The following SUN3 variants were observed in gnomAD, a reference collection of about 807,000 sequenced individuals.
SUN3 encodes SUN domain-containing protein 3.
Under a neutral mutation model 48.2 loss-of-function variants are expected in SUN3, and 36 were observed. That is an observed-to-expected ratio of 0.75 (90% CI 0.57 to 0.99). The LOEUF (loss-of-function observed/expected upper bound fraction) is 0.99, where lower values mean the gene tolerates loss of function less well. SUN3 is among the 50% of genes least tolerant of loss of function. The pLI is 0.00. For synonymous variants in SUN3, 148 were observed against 147.9 expected, an observed-to-expected ratio of 1.00 and a Z score of 0.00; for missense variants, 419 against 433.1, an observed-to-expected ratio of 0.97 and a Z score of 0.29.
upstream of SUN3, among the ~76,000 whole-genome samples, chr7:48,031,832 GCA>G (rs3073706): frequency 0.1 from 14,816 of 141,966 alleles, 870 homozygotes; most frequent in African/African-American, 0.16. Flanking sequence ...TGTGATTTAT[GCA>G]CACACACACA....
chr7:48,028,399 A>G (rs1162829054), intron 1 of SUN3, among the ~76,000 whole-genome samples: 2 of 150,988 alleles, frequency 1.3e-5, no homozygotes, highest in Non-Finnish European at 1.5e-5. Context: ...AGAATGTAAT[A>G]AATGCCACTC....
At chr7:47,999,536 T>A (rs1490536650) in intron 6 of SUN3, among the ~76,000 whole-genome samples, 3 of 152,224 alleles carry the variant, frequency 2.0e-5, no homozygotes. Context: ...TTTTTATTTA[T>A]TTTTTATTTC....
At chr7:48,027,927 G>A (rs13237971) in intron 1 of SUN3, among the ~76,000 whole-genome samples, 2,788 of 152,294 alleles carry the variant, frequency 0.018, 33 homozygotes, top group Non-Finnish European at 0.029. Flanking sequence ...GCTGCATTAA[G>A]TGAAAATTAT....
At chr7:48,001,540 T>G (rs6962900) in intron 6 of SUN3, among the ~76,000 whole-genome samples, 62,972 of 138,548 alleles carry the variant, frequency 0.45, 15,957 homozygotes, top group Non-Finnish European at 0.53. Context: ...TGTTTTTTTT[T>G]TTTTTTTTTT....
intron 3 of SUN3, among the ~76,000 whole-genome samples, chr7:48,011,708 A>T (rs1399182471): frequency 6.6e-6 from 1 of 152,236 alleles, no homozygotes; most frequent in African/African-American, 2.4e-5. Context: ...TTTTAAAAAC[A>T]TTTTTATTTT....
intron 7 of SUN3, among the ~76,000 whole-genome samples, chr7:47,994,939 G>A (rs997783528): frequency 6.6e-6 from 1 of 152,122 alleles, no homozygotes; most frequent in African/African-American, 2.4e-5. Flanking sequence ...TAATGGTGAT[G>A]GTAGTAATGG....
At chr7:48,033,853 A>T (rs1455934371), upstream of SUN3, among the ~76,000 whole-genome samples, 1 of 152,244 alleles carries the variant, frequency 6.6e-6, no homozygotes, top group East Asian at 1.9e-4. Flanking sequence ...CAGGAGTATG[A>T]GACCAGCCTG....
intron 2 of SUN3, among the ~76,000 whole-genome samples, chr7:48,022,879 G>A (rs761392641): frequency 4.6e-5 from 7 of 151,872 alleles, no homozygotes; most frequent in Non-Finnish European, 1.0e-4. Context: ...TATTTAAAGC[G>A]TTGAAAGAAA....
At chr7:47,990,208 C>T (rs1789015403) in intron 8 of SUN3, among the ~76,000 whole-genome samples, 1 of 152,056 alleles carries the variant, frequency 6.6e-6, no homozygotes, top group African/African-American at 2.4e-5. Context: ...GGTGTAAAAC[C>T]CGATTGAATA....
intron 2 of SUN3, among the ~76,000 whole-genome samples, chr7:48,021,920 G>C (rs1205511763): frequency 6.6e-6 from 1 of 152,060 alleles, no homozygotes. Flanking sequence ...CTACTGTTGG[G>C]CATATACCCA....
At chr7:48,013,680 A>G (rs1789738670) in intron 3 of SUN3, among the ~76,000 whole-genome samples, 1 of 152,200 alleles carries the variant, frequency 6.6e-6, no homozygotes, top group Admixed American at 6.5e-5. Flanking sequence ...GTCATTATAA[A>G]ATAATATCTA....
intron 6 of SUN3, among the ~76,000 whole-genome samples, chr7:48,003,244 T>A (rs1724568064): frequency 6.6e-6 from 1 of 152,192 alleles, no homozygotes; most frequent in African/African-American, 2.4e-5. Flanking sequence ...TGGCCTTATT[T>A]CTGGGTTCTC....
chr7:48,007,089 C>T, intron 5 of SUN3, 76 bp downstream of exon 5: 2 of 1,427,554 alleles, frequency 1.4e-6, no homozygotes, highest in South Asian at 1.4e-5. Flanking sequence ...GAAGGACATA[C>T]TCACTCCCCG....
intron 6 of SUN3, among the ~76,000 whole-genome samples, chr7:48,001,548 T>TG (rs1360264440): frequency 6.8e-6 from 1 of 146,236 alleles, no homozygotes; most frequent in African/African-American, 2.5e-5. Flanking sequence ...TTTTTTTTTT[T>TG]TTTGAGACAG....
At chr7:48,014,656 C>T (rs1281491750) in intron 3 of SUN3, among the ~76,000 whole-genome samples, 1 of 152,142 alleles carries the variant, frequency 6.6e-6, no homozygotes, top group African/African-American at 2.4e-5. Flanking sequence ...AGACTGTGGG[C>T]AAAGGGGCAC....
chr7:48,023,530 T>C (rs374043956), intron 2 of SUN3, among the ~76,000 whole-genome samples: 4 of 151,940 alleles, frequency 2.6e-5, no homozygotes, highest in African/African-American at 9.7e-5. Flanking sequence ...AAAAAAGGTA[T>C]AAGATATAGA....
rs113870420 is a variant in SUN3, at chr7:47,993,553, T to G, written c.861+762A>C. On this transcript the variant is annotated intron_variant, in intron 8 of 9. Transcript: ENST00000297325. Reference sequence around the variant, plus strand: ...ACAGTATGCAAAGTTAAAGAAGCCATTCACAAAAGATCACACATTATAAAT... The same window carrying G: ...ACAGTATGCAAAGTTAAAGAAGCCAGTCACAAAAGATCACACATTATAAAT... Among the ~76,000 whole-genome samples, 462 of 152,240 alleles carry G rather than the reference T, an allele frequency of 3.0e-3. 6 individuals are homozygous for G. The highest frequency in any genetic ancestry group is 0.01 in the African/African-American group (423 of 41,534).
Position 47,989,016 on chromosome 7 carries a change from T to C in SUN3, c.862-136A>G, listed in dbSNP as rs1562596083. The C allele has an allele frequency of 2.5e-5, 13 of 521,950 alleles. No individual in the cohort carries two copies. In the South Asian group the frequency reaches 3.6e-4, roughly 14 times the overall value. 32.3% of individuals were successfully genotyped at this position (521,950 alleles called of 1,614,324 possible). On this transcript the variant is annotated intron_variant, in intron 8 of 9. Transcript: ENST00000297325. ...CTGTGATCATGCCAGTACTAACCTATACACCCAGAGGATATTTAACAAGGG... is the reference window on the plus strand; with the variant it reads ...CTGTGATCATGCCAGTACTAACCTACACACCCAGAGGATATTTAACAAGGG...
chr7:48,006,870 G>A (rs1042169046), intron 5 of SUN3, among the ~76,000 whole-genome samples: 4 of 152,164 alleles, frequency 2.6e-5, no homozygotes, highest in African/African-American at 9.7e-5. Context: ...AGGTATTTGT[G>A]TATAGAGCTC....
Sources: allele counts gnomAD v4.1 joint callset (sites outside exome capture counted in the v4.1 genomes callset), GRCh38; gene constraint gnomAD v4.1.1; transcripts MANE v1.5; gene names NCBI Gene and HGNC (gene_info 2026-07-23, HGNC 2026-07-21).